Variants in TTLL9 observed in about 807,000 individuals in gnomAD.
TTLL9 encodes probable tubulin polyglutamylase TTLL9.
TTLL9 carries 47 observed loss-of-function variants against 65.6 expected under a neutral mutation model. That is an observed-to-expected ratio of 0.72 (90% CI 0.57 to 0.91). The LOEUF is 0.91. Ranked by LOEUF, TTLL9 falls within the 40% of genes least tolerant of loss-of-function variation. TTLL9 has a pLI of 0.00. For missense variants in TTLL9, 537 were observed against 568.8 expected (o/e 0.94, Z 0.57); for synonymous variants, 179 against 204.8 (o/e 0.87, Z 1.07).
At chr20:31,887,389 C>T (rs2063208465) in intron 3 of TTLL9, 150 bp downstream of exon 3, 2 of 907,440 alleles carry the variant, frequency 2.2e-6, no homozygotes, top group East Asian at 5.3e-5. Flanking sequence ...TGAGCACTTA[C>T]CATGTGCCAG....
intron 4 of TTLL9, 23 bp from the exon 5 acceptor site, chr20:31,908,568 C>G: frequency 7.7e-6 from 12 of 1,560,400 alleles, no homozygotes; most frequent in Non-Finnish European, 1.1e-5. Flanking sequence ...TGACCTTTAT[C>G]CCCGCCCCCA....
At position 31,943,186 on chromosome 20, in the gene TTLL9, T is replaced by G; in HGVS notation, c.*165T>G. On this transcript the variant is annotated 3_prime_UTR_variant, in exon 15 of 15. Transcript: ENST00000535842. Reference sequence around the variant, plus strand: ...AGCTTACTACCTGAATTGGGCCCCTTGGATACCTCCAGCCCATCCCCAGGC... The same window carrying G: ...AGCTTACTACCTGAATTGGGCCCCTGGGATACCTCCAGCCCATCCCCAGGC... 2 of 660,210 alleles carry G rather than the reference T, an allele frequency of 3.0e-6. No individual in the cohort carries two copies. Among genetic ancestry groups the G allele is most frequent in the Non-Finnish European group, 2.7e-6 (1 of 369,054 alleles). The allele number at this position is 660,210 out of a possible 1,614,324, so 40.9% of individuals were successfully genotyped here.
chr20:31,887,164 C>A (rs1345118355), intron 2 of TTLL9, 32 bp from the exon 3 acceptor site: 1 of 1,612,910 alleles, frequency 6.2e-7, no homozygotes, highest in Admixed American at 1.7e-5. Flanking sequence ...ATATACAAAA[C>A]CAGTTACATC....
At chr20:31,897,318 G>A (rs372967218) in intron 3 of TTLL9, among the ~76,000 whole-genome samples, 28 of 151,338 alleles carry the variant, frequency 1.9e-4, no homozygotes, top group African/African-American at 6.8e-4. Context: ...GTGTAGAGCT[G>A]TTAGTAGCAT....
chr20:31,927,869 A>G (rs931082029), intron 10 of TTLL9, among the ~76,000 whole-genome samples: 2 of 152,188 alleles, frequency 1.3e-5, no homozygotes, highest in Admixed American at 1.3e-4. Context: ...TGCGTGTCCA[A>G]GGTGATGCAT....
chr20:31,933,657 C>T, intron 10 of TTLL9, 143 bp from the exon 11 acceptor site: 1 of 682,634 alleles, frequency 1.5e-6, no homozygotes, highest in South Asian at 2.6e-5. Context: ...AATCCAGGCC[C>T]ATCTGACTCC....
rs1375690327 is a variant in TTLL9, at chr20:31,919,901, G to A, written c.542G>A (p.Arg181His). The change falls in exon 7 of 15, where the codon CGT (arginine) becomes CAT (histidine). Residue 181 changes from arginine (R) to histidine (H), a missense_variant. Coordinates refer to ENST00000535842, the MANE Select transcript of TTLL9 (RefSeq NM_001008409.5). ...RSQGKGIFLF[R>H]RLKDIVDWRK... ...CAAGGGAAAGGCATCTTCCTCTTCC[G>A]TAGGCTGAAGGACATCGTGGACTGG... 8.2e-6 allele frequency: 13 copies of A among 1,592,366 alleles called. No individual in the cohort carries two copies. The highest frequency in any genetic ancestry group is 2.4e-5 in the East Asian group (1 of 42,058).
In TTLL9 at chr20:31,937,447, A is replaced by C. The variant is rs549726374; in HGVS notation, c.1056A>C (p.Glu352Asp). ...CATCACTGACAGCCAGCAGCCAGGA[A>C]GACTATGAGCTCAAGACCTGCCTCC... is the stretch of plus-strand genomic sequence containing the variant. ...ASPSLTASSQ[E>D]DYELKTCLLE... The change falls in exon 13 of 15, where the codon GAA becomes GAC. Residue 352 changes from glutamate to aspartate, a missense_variant. By Grantham distance (45) the Glu-to-Asp change is conservative. Around this residue, in one of 3 missense-constraint regions of TTLL9, gnomAD observed 205 missense variants for 225.9 expected, o/e 0.91. Transcript: ENST00000535842. 2.5e-6 allele frequency: 4 copies of C among 1,613,920 alleles called. No individual in the cohort carries two copies. The East Asian group carries it at 8.9e-5, about 36-fold the overall frequency.
chr20:31,884,018 C>G, intron 2 of TTLL9: 1 of 512,152 alleles, frequency 2.0e-6, no homozygotes, highest in Non-Finnish European at 3.6e-6. Flanking sequence ...CCTTTATTCA[C>G]AGATGACATC....
intron 4 of TTLL9, among the ~76,000 whole-genome samples, chr20:31,902,648 A>G (rs1202954609): frequency 6.6e-6 from 1 of 152,206 alleles, no homozygotes; most frequent in Non-Finnish European, 1.5e-5. Flanking sequence ...TGCTGTGAAT[A>G]TTCATGTATG....
chr20:31,929,785 T>C (rs1242559268), intron 10 of TTLL9, among the ~76,000 whole-genome samples: 2 of 152,196 alleles, frequency 1.3e-5, no homozygotes, highest in Non-Finnish European at 2.9e-5. Context: ...AAGATGTAAA[T>C]ACTGAGTCAA....
chr20:31,911,867 TG>T (rs1742243545), intron 6 of TTLL9, among the ~76,000 whole-genome samples: 3 of 112,104 alleles, frequency 2.7e-5, no homozygotes, highest in Admixed American at 1.8e-4. Flanking sequence ...TGTGTGTGTG[TG>T]TGTGTGTCCT....
At chr20:31,888,734 G>T (rs1476535970) in intron 3 of TTLL9, among the ~76,000 whole-genome samples, 2 of 152,230 alleles carry the variant, frequency 1.3e-5, no homozygotes, top group Non-Finnish European at 1.5e-5. Context: ...AGCTTCTGGT[G>T]AGGCCTCAGG....
At chr20:31,888,795 C>A (rs962737210) in intron 3 of TTLL9, among the ~76,000 whole-genome samples, 118 of 152,194 alleles carry the variant, frequency 7.8e-4, no homozygotes, top group African/African-American at 2.7e-3. Flanking sequence ...TGTCACACGG[C>A]AAGAGTGGGA....
chr20:31,879,727 G>A, intron 2 of TTLL9: 1 of 1,305,296 alleles, frequency 7.7e-7, no homozygotes, highest in Non-Finnish European at 1.0e-6. Context: ...AGAGGTTCTG[G>A]TGGACCAGAG....
intron 14 of TTLL9, chr20:31,941,170 TTGCGCCAC>T (rs1225305227): frequency 6.8e-6 from 1 of 147,842 alleles, no homozygotes; most frequent in African/African-American, 2.5e-5. Context: ...TGAGCCGAGA[TTGCGCCAC>T]TGCACTCCAG....
intron 10 of TTLL9, among the ~76,000 whole-genome samples, chr20:31,929,351 A>G (rs2063966138): frequency 6.6e-6 from 1 of 152,260 alleles, no homozygotes; most frequent in Admixed American, 6.5e-5. Flanking sequence ...ATATAGTTTT[A>G]TAATAAAAGT....
At chr20:31,881,408 TA>T (rs11476361) in intron 2 of TTLL9, among the ~76,000 whole-genome samples, 42,687 of 152,018 alleles carry the variant, frequency 0.28, 6,419 homozygotes, top group South Asian at 0.4. Flanking sequence ...GATGCTCAGC[TA>T]AAAAACTGGG....
chr20:31,889,021 C>G (rs2063241202), intron 3 of TTLL9, among the ~76,000 whole-genome samples: 1 of 148,044 alleles, frequency 6.8e-6, no homozygotes, highest in Non-Finnish European at 1.5e-5. Context: ...AAGGCCCCAT[C>G]TACTTATTTT....
Sources: allele counts gnomAD v4.1 joint callset (sites outside exome capture counted in the v4.1 genomes callset), GRCh38; gene constraint gnomAD v4.1.1; regional missense constraint gnomAD v4.1.1; transcripts MANE v1.5; gene names NCBI Gene and HGNC (gene_info 2026-07-23, HGNC 2026-07-21).